The following TLN2 variants were observed in gnomAD, a reference collection of about 807,000 sequenced individuals.
The protein encoded by TLN2 is talin 2, also known as talin-2.
Under a neutral mutation model 294.7 loss-of-function variants are expected in TLN2, and 118 were observed. The observed-to-expected ratio is 0.40, with a 90% CI of 0.34 to 0.47. The LOEUF is 0.47. Ranked by LOEUF, TLN2 falls within the 20% of genes least tolerant of loss-of-function variation. The pLI, the probability that TLN2 is intolerant of heterozygous loss-of-function variation, is 0.84. For missense variants in TLN2, 3,083 were observed against 3,282.2 expected, an observed-to-expected ratio of 0.94 and a Z score of 1.48; for synonymous variants, 1,431 against 1,304.5, an observed-to-expected ratio of 1.10 and a Z score of -2.09.
chr15:62,600,050 G>A (rs1479198448), intron 2 of TLN2, among the ~76,000 whole-genome samples: 1 of 152,214 alleles, frequency 6.6e-6, no homozygotes, highest in Non-Finnish European at 1.5e-5. Flanking sequence ...GATATTGCTA[G>A]AGCGGGTAGA....
At chr15:62,650,606 G>C (rs2052479341) in intron 5 of TLN2, among the ~76,000 whole-genome samples, 1 of 152,158 alleles carries the variant, frequency 6.6e-6, no homozygotes. Context: ...TGAGATGTGA[G>C]TTTAATAATG....
Position 62,708,830 on chromosome 15 carries a change from G to A in TLN2, c.2467+34G>A, listed in dbSNP as rs79042016. Reference sequence around the variant, plus strand: ...CTGTGCTGTGGGTGGGTGGATGGGTGGCTTTTGATGTTCCTGATGGTGGTG... The same window carrying A: ...CTGTGCTGTGGGTGGGTGGATGGGTAGCTTTTGATGTTCCTGATGGTGGTG... On this transcript the variant is annotated intron_variant, in intron 21 of 58. Transcript: ENST00000636159. The A allele has an allele frequency of 2.1e-3, 3,299 of 1,570,514 alleles. 62 individuals are homozygous for A. In the African/African-American group the frequency reaches 0.036, roughly 17 times the overall value.
In TLN2 at chr15:62,810,676, G is replaced by A. The variant is rs1188333760; in HGVS notation, c.6771+644G>A. Reference sequence around the variant, plus strand: ...TGCAGTTCCTAAGGAGGCGTGACTCGCTACAAACCCTAAGGACCAAACCAC... The same window carrying A: ...TGCAGTTCCTAAGGAGGCGTGACTCACTACAAACCCTAAGGACCAAACCAC... On this transcript the variant is annotated intron_variant, in intron 52 of 58. Transcript: ENST00000636159. Among the ~76,000 whole-genome samples, 12 of 152,202 alleles carry A rather than the reference G, an allele frequency of 7.9e-5. No individual in the cohort carries two copies. In the South Asian group the frequency reaches 1.5e-3, roughly 18 times the overall value.
rs575624516 is a variant in TLN2, at chr15:62,837,840, T to G, written c.7375-1016T>G. Among the ~76,000 whole-genome samples, 3 of 152,352 alleles carry G rather than the reference T, an allele frequency of 2.0e-5. No individual in the cohort carries two copies. In the South Asian group the frequency reaches 6.2e-4, roughly 32 times the overall value. On this transcript the variant is annotated intron_variant, in intron 57 of 58. Coordinates refer to ENST00000636159, the MANE Select transcript of TLN2 (RefSeq NM_015059.3). The stretch of plus-strand genomic sequence containing the variant: ...CCCTCATAGTTTGCATTGGTCACTT[T>G]AGTTCACAGACCAGATGGGGCAGTT...
At chr15:62,584,277 C>T (rs2045398488) in intron 1 of TLN2, among the ~76,000 whole-genome samples, 1 of 152,166 alleles carries the variant, frequency 6.6e-6, no homozygotes, top group South Asian at 2.1e-4. Flanking sequence ...GGAGAAACTC[C>T]TTAATTTTGT....
At chr15:62,797,094 A>G in intron 47 of TLN2, 125 bp from the exon 48 acceptor site, 1 of 1,034,042 alleles carries the variant, frequency 9.7e-7, no homozygotes, top group Non-Finnish European at 1.4e-6. Context: ...GAGGTGTAAC[A>G]CAGCACTTCT....
intron 50 of TLN2, among the ~76,000 whole-genome samples, chr15:62,804,916 C>T (rs892385883): frequency 6.6e-6 from 1 of 151,508 alleles, no homozygotes; most frequent in Non-Finnish European, 1.5e-5. Flanking sequence ...GTACCAATCA[C>T]TCATGTTAGA....
At chr15:62,599,091 A>G (rs761261326) in intron 2 of TLN2, among the ~76,000 whole-genome samples, 2 of 152,202 alleles carry the variant, frequency 1.3e-5, no homozygotes, top group Non-Finnish European at 2.9e-5. Flanking sequence ...TGGCGTTAAC[A>G]TGTGCTGTCT....
intron 1 of TLN2, among the ~76,000 whole-genome samples, chr15:62,410,809 G>A (rs1442374305): frequency 6.6e-6 from 1 of 152,228 alleles, no homozygotes; most frequent in African/African-American, 2.4e-5. Flanking sequence ...GAAGGGGCTT[G>A]TTCAAGTACG....
intron 1 of TLN2, among the ~76,000 whole-genome samples, chr15:62,434,664 C>T (rs762469088): frequency 6.6e-6 from 1 of 152,196 alleles, no homozygotes; most frequent in African/African-American, 2.4e-5. Context: ...CAGGAGTCCT[C>T]GCCAACACAG....
intron 40 of TLN2, among the ~76,000 whole-genome samples, chr15:62,764,592 C>T (rs1466840212): frequency 6.6e-6 from 1 of 152,104 alleles, no homozygotes; most frequent in African/African-American, 2.4e-5. Flanking sequence ...TATATGCATG[C>T]AGATAAGGGT....
chr15:62,712,930 T>G (rs2059515033), intron 22 of TLN2, among the ~76,000 whole-genome samples: 1 of 152,120 alleles, frequency 6.6e-6, no homozygotes, highest in African/African-American at 2.4e-5. Flanking sequence ...ACCTTCAAAT[T>G]CCTGCCCTCA....
At chr15:62,474,013 G>A (rs1430669816) in intron 1 of TLN2, among the ~76,000 whole-genome samples, 1 of 152,210 alleles carries the variant, frequency 6.6e-6, no homozygotes, top group Non-Finnish European at 1.5e-5. Flanking sequence ...AAAATCGCTT[G>A]AACCCCGGAG....
intron 9 of TLN2, 54 bp from the exon 10 acceptor site, chr15:62,673,773 T>G: frequency 7.1e-7 from 1 of 1,414,940 alleles, no homozygotes; most frequent in Non-Finnish European, 9.9e-7. Flanking sequence ...TTTGCTTTGC[T>G]TCTCATCATG....
At chr15:62,716,903 A>T (rs1350693779) in intron 23 of TLN2, among the ~76,000 whole-genome samples, 1 of 151,450 alleles carries the variant, frequency 6.6e-6, no homozygotes, top group South Asian at 2.1e-4. Context: ...AATTATTCTG[A>T]AAAAGAAAGT....
intron 1 of TLN2, among the ~76,000 whole-genome samples, chr15:62,504,048 T>G (rs1352498269): frequency 6.6e-6 from 1 of 152,246 alleles, no homozygotes; most frequent in Non-Finnish European, 1.5e-5. Context: ...GTAAGGTTCA[T>G]GAAAGAACTG....
At chr15:62,431,631 T>G (rs943718149) in intron 1 of TLN2, among the ~76,000 whole-genome samples, 2 of 152,228 alleles carry the variant, frequency 1.3e-5, no homozygotes, top group African/African-American at 4.8e-5. Context: ...TTTGGTAGTT[T>G]AAGTTTGGAT....
At chr15:62,746,335 G>A (rs920958466) in intron 32 of TLN2, among the ~76,000 whole-genome samples, 9 of 152,100 alleles carry the variant, frequency 5.9e-5, no homozygotes, top group African/African-American at 1.9e-4. Context: ...TTAAAAGCGC[G>A]CATTGAGGAC....
At chr15:62,626,768 T>C (rs768048378) in intron 3 of TLN2, among the ~76,000 whole-genome samples, 13 of 152,180 alleles carry the variant, frequency 8.5e-5, no homozygotes, top group Non-Finnish European at 1.5e-4. Context: ...TTATTGCTAC[T>C]TGGGAGGCTA....
Sources: gnomAD v4.1 joint callset for allele counts (sites outside exome capture counted in the v4.1 genomes callset) on GRCh38, gnomAD v4.1.1 for gene constraint, MANE v1.5 for transcripts, NCBI Gene and HGNC (gene_info 2026-07-23, HGNC 2026-07-21) for gene names.